NDST1: variants seen among roughly 807,000 people sequenced by gnomAD.
NDST1 encodes the protein bifunctional heparan sulfate N-deacetylase/N-sulfotransferase 1.
Under a neutral mutation model 92.8 loss-of-function variants are expected in NDST1, and 35 were observed. The observed-to-expected ratio is 0.38, with a 90% confidence interval of 0.29 to 0.50. The LOEUF is 0.50. Ranked by LOEUF, NDST1 falls within the 20% of genes least tolerant of loss-of-function variation. The pLI, the probability that NDST1 is intolerant of heterozygous loss-of-function variation, is 0.94. For synonymous variants in NDST1, 493 were observed against 500.3 expected (o/e 0.99, Z 0.19); for missense variants, 822 against 1,182.7 (o/e 0.69, Z 4.47).
At position 150,521,722 on chromosome 5, in the gene NDST1, C is replaced by T. The variant is rs938813093; in HGVS notation, c.468C>T (p.Asp156=). The stretch of plus-strand genomic sequence containing the variant: ...ACGCCTGGAACCGGGAGCTGCTGGA[C>T]AAGTACTGTGTGGCCTACGGCGTGG... ...NLDAWNRELL[D]KYCVAYGVGI... is the part of the protein sequence containing the mutation. Residue 156 remains aspartate, a synonymous_variant, in exon 2 of 15, where the codon GAC becomes GAT. Coordinates refer to ENST00000261797, the MANE Select transcript of NDST1 (RefSeq NM_001543.5). This position sits in a 1 kb window ranked among gnomAD's most constrained non-coding sequence, Gnocchi z 5.9. 6.2e-7 allele frequency: 1 copy of T among 1,614,006 alleles called. No homozygotes were observed. Among genetic ancestry groups the T allele is most frequent in the East Asian group, 2.2e-5 (1 of 44,880 alleles).
chr5:150,524,563 C>T (rs1289932885), intron 2 of NDST1, among the ~76,000 whole-genome samples: 3 of 152,340 alleles, frequency 2.0e-5, no homozygotes, highest in African/African-American at 7.2e-5. Flanking sequence ...GAGCTCGGTG[C>T]TTTGCAGGCA....
At chr5:150,500,033 G>A (rs1451083231) in intron 1 of NDST1, among the ~76,000 whole-genome samples, 1 of 152,294 alleles carries the variant, frequency 6.6e-6, no homozygotes. Flanking sequence ...TGCTTTATCC[G>A]ACAGCTCCCT....
At chr5:150,551,729 C>A (rs1306323498) in intron 13 of NDST1, 24 bp from the exon 14 acceptor site, 1 of 1,610,654 alleles carries the variant, frequency 6.2e-7, no homozygotes, top group Non-Finnish European at 8.5e-7. Flanking sequence ...CAGCTCCCAT[C>A]CAAAGACTTT....
chr5:150,508,049 G>A (rs150362768), upstream of NDST1: 535 of 152,454 alleles, frequency 3.5e-3, 2 homozygotes, highest in Middle Eastern at 0.031. Flanking sequence ...GGCGCAGGGT[G>A]CTCTAGGGCC....
chr5:150,508,146 GGTGCA>G lies in NDST1; in HGVS notation c.-466_-462del, dbSNP rs2151247037. The stretch of plus-strand genomic sequence containing the variant: ...GCCATTTTTCCTGGCCCTGGGATTA[GGTGCA>G]GCCGTGTTAAGGAGAGGACATTCGA... On this transcript the variant is annotated 5_prime_UTR_variant, in exon 1 of 15. Transcript: ENST00000261797. The G allele has an allele frequency of 6.6e-6, 1 of 152,442 alleles. No individual in the cohort carries two copies. The highest frequency in any genetic ancestry group is 2.1e-4 in the South Asian group (1 of 4,824). The allele number at this position is 152,442 out of a possible 1,614,324, so 9.4% of individuals were successfully genotyped here. A position where few individuals can be genotyped will look rare whatever the true frequency, so the allele number is the denominator to read the frequency against.
Position 150,528,124 on chromosome 5 carries a change from C to G in NDST1, c.834C>G (p.Arg278=). ...QDLGLHDGIQ[R]VLFGNNLNFW... ...TGGGCCTGCACGACGGCATCCAGCG[C>G]GTGCTGTTTGGCAACAACCTGAACT... is the stretch of plus-strand genomic sequence containing the variant. Residue 278 remains arginine (R), a synonymous_variant, in exon 3 of 15, where the codon CGC becomes CGG. Coordinates refer to ENST00000261797, the MANE Select transcript of NDST1 (RefSeq NM_001543.5). 1 of 1,614,212 alleles carries G rather than the reference C, an allele frequency of 6.2e-7. No homozygotes were observed. The highest frequency in any genetic ancestry group is 8.5e-7 in the Non-Finnish European group (1 of 1,180,008).
At chr5:150,500,601 G>A (rs541419540) in intron 1 of NDST1, among the ~76,000 whole-genome samples, 234 of 152,316 alleles carry the variant, frequency 1.5e-3, no homozygotes, top group Non-Finnish European at 1.5e-3. Context: ...TTCACATTAG[G>A]GAACAGGTCA....
At chr5:150,506,142 G>A (rs1314449426), upstream of NDST1, among the ~76,000 whole-genome samples, 1 of 152,206 alleles carries the variant, frequency 6.6e-6, no homozygotes, top group Non-Finnish European at 1.5e-5. Flanking sequence ...AGAGGGTCTA[G>A]CTGTGTCGCA....
chr5:150,547,107 C>T (rs559554924), intron 11 of NDST1, among the ~76,000 whole-genome samples: 6 of 152,336 alleles, frequency 3.9e-5, no homozygotes, highest in African/African-American at 7.2e-5. Flanking sequence ...AGGGGTTTCA[C>T]GTTTGTGTCC....
At position 150,528,125 on chromosome 5, in the gene NDST1, G is replaced by C. The variant is rs150461859; in HGVS notation, c.835G>C (p.Val279Leu). ...GGGCCTGCACGACGGCATCCAGCGC[G>C]TGCTGTTTGGCAACAACCTGAACTT... ...DLGLHDGIQR[V>L]LFGNNLNFWL... Residue 279 changes from valine (V) to leucine (L), a missense_variant, in exon 3 of 15, where the codon GTG becomes CTG. Transcript: ENST00000261797. 2.5e-6 allele frequency: 4 copies of C among 1,614,208 alleles called. No homozygotes were observed. The South Asian group carries it at 4.4e-5, about 18-fold the overall frequency.
chr5:150,551,433 C>T (rs1039297792), intron 13 of NDST1, among the ~76,000 whole-genome samples: 3 of 152,004 alleles, frequency 2.0e-5, no homozygotes, highest in Admixed American at 6.6e-5. Flanking sequence ...TGAGAATGCT[C>T]AGAAAAGATT....
chr5:150,508,822 C>G (rs1753584161), intron 1 of NDST1, among the ~76,000 whole-genome samples: 2 of 152,176 alleles, frequency 1.3e-5, no homozygotes, highest in Admixed American at 1.3e-4. Context: ...TGCTAATAGC[C>G]ATCATTAGAT....
At position 150,548,205 on chromosome 5, in the gene NDST1, T is replaced by C. The variant is rs779721651; in HGVS notation, c.2146-13T>C. 1 of 1,614,066 alleles carries C rather than the reference T, an allele frequency of 6.2e-7. No individual in the cohort carries two copies. The highest frequency in any genetic ancestry group is 1.1e-5 in the South Asian group (1 of 91,078). ...CTCCAAGTGGCATGCTGACCCTCTT[T>C]CCTTGCCTGCAGCACCAGCGAGCCC... On this transcript the variant is annotated splice_polypyrimidine_tract_variant and intron_variant, in intron 11 of 14. Coordinates refer to ENST00000261797, the MANE Select transcript of NDST1 (RefSeq NM_001543.5).
At chr5:150,546,502 C>G (rs771124715) in intron 11 of NDST1, among the ~76,000 whole-genome samples, 1 of 152,178 alleles carries the variant, frequency 6.6e-6, no homozygotes, top group Admixed American at 6.5e-5. Flanking sequence ...TTGTCCAGGC[C>G]GAGGTCCTGA....
At chr5:150,517,090 T>G (rs963708877) in intron 1 of NDST1, among the ~76,000 whole-genome samples, 2 of 152,030 alleles carry the variant, frequency 1.3e-5, no homozygotes, top group African/African-American at 4.8e-5. Flanking sequence ...ATATTTCCCA[T>G]ATGCCTTCTT....
intron 2 of NDST1, among the ~76,000 whole-genome samples, chr5:150,523,190 T>G (rs1754318202): frequency 6.6e-6 from 1 of 152,240 alleles, no homozygotes; most frequent in South Asian, 2.1e-4. Context: ...ACTGGCTTGA[T>G]CACAAAACCC....
chr5:150,516,139 CTG>C (rs1425530398), intron 1 of NDST1, among the ~76,000 whole-genome samples: 1 of 152,206 alleles, frequency 6.6e-6, no homozygotes, highest in Non-Finnish European at 1.5e-5. Context: ...TTCAGACATG[CTG>C]TGAGAGGAGG....
In NDST1 at chr5:150,528,196, G is replaced by A. The variant is rs774695262; in HGVS notation, c.906G>A (p.Thr302=). Residue 302 remains threonine (T), a synonymous_variant, in exon 3 of 15, where the codon ACG becomes ACA. Transcript: ENST00000261797. ...TCGTGGATGCCGTGGCCTTCCTCAC[G>A]GGGAAGCGCCTCTCCCTGCCATTGG... ...LVFVDAVAFL[T]GKRLSLPLDR... is the part of the protein sequence containing the mutation. The A allele has an allele frequency of 1.3e-5, 21 of 1,614,114 alleles. No homozygotes were observed. Among genetic ancestry groups the A allele is most frequent in the East Asian group, 2.2e-5 (1 of 44,900 alleles).
chr5:150,532,029 A>G (rs777128272), intron 3 of NDST1, among the ~76,000 whole-genome samples: 4 of 152,172 alleles, frequency 2.6e-5, no homozygotes, highest in Non-Finnish European at 4.4e-5. Flanking sequence ...TCCACATTTG[A>G]TAGATGAAGA....
Sources: gnomAD v4.1 joint callset for allele counts (sites outside exome capture counted in the v4.1 genomes callset) on GRCh38, gnomAD v4.1.1 for gene constraint, Gnocchi (gnomAD v3.1) non-coding constraint, MANE v1.5 for transcripts, NCBI Gene and HGNC (gene_info 2026-07-23, HGNC 2026-07-21) for gene names.